The following PTPRN2 variants were observed in gnomAD, a reference collection of about 807,000 sequenced individuals.
PTPRN2 encodes receptor-type tyrosine-protein phosphatase N2.
A neutral mutation model predicts 118.8 loss-of-function variants in PTPRN2; 74 were observed. The ratio of observed to expected loss-of-function variants is 0.62; its 90% CI spans 0.52 to 0.76. The LOEUF is 0.76. PTPRN2 is among the 30% of genes least tolerant of loss of function. The probability of loss-of-function intolerance (pLI) is 0.00; values close to 1 mark genes in which losing one functional copy is unlikely to be tolerated. For missense variants in PTPRN2, 1,481 were observed against 1,394.4 expected (o/e 1.06, Z -0.99); for synonymous variants, 641 against 608.0 (o/e 1.05, Z -0.80).
chr7:157,656,266 G>A lies in PTPRN2; in HGVS notation c.2196+91C>T, dbSNP rs1024846577. 3.0e-6 allele frequency: 4 copies of A among 1,324,654 alleles called. No homozygotes were observed. In the African/African-American group the frequency reaches 4.4e-5, roughly 15 times the overall value. The allele number at this position is 1,324,654 out of a possible 1,614,324, so 82.1% of individuals were successfully genotyped here. A position where few individuals can be genotyped will look rare whatever the true frequency, so the allele number is the denominator to read the frequency against. On this transcript the variant is annotated intron_variant, in intron 14 of 22. Transcript: ENST00000389418. ...GCAGCCATCATCGCCCAGTCCCCGA[G>A]GGTCAGCGGGCGCAGATGCTGGGTG...
chr7:157,666,503 GAA>G (rs113097838), intron 13 of PTPRN2, among the ~76,000 whole-genome samples: 2 of 119,790 alleles, frequency 1.7e-5, no homozygotes, highest in East Asian at 2.1e-4. Flanking sequence ...TAGTGTGTTA[GAA>G]AAAAAAAAAA....
rs576190418 is a variant in PTPRN2 at position 157,806,865 on chromosome 7, C to T, written c.1788+91808G>A. ...GGCCACTGGCATGGGCCCAGCTTCC[C>T]GCTCTCCTCTGCATGCACAGCCTCT... is the stretch of plus-strand genomic sequence containing the variant. On this transcript the variant is annotated intron_variant, in intron 12 of 22. Coordinates refer to ENST00000389418, the MANE Select transcript of PTPRN2 (RefSeq NM_002847.5). 2.4e-4 allele frequency among the ~76,000 whole-genome samples: 36 copies of T among 152,352 alleles called. No homozygotes were observed. In the South Asian group the frequency reaches 5.4e-3, roughly 23 times the overall value.
intron 2 of PTPRN2, among the ~76,000 whole-genome samples, chr7:158,462,952 G>A (rs886257226): frequency 5.0e-5 from 3 of 60,542 alleles, no homozygotes; most frequent in Non-Finnish European, 1.0e-4. Context: ...TATTCAGCAC[G>A]AATAACTGGT....
At chr7:157,758,965 C>T (rs564506211) in intron 12 of PTPRN2, among the ~76,000 whole-genome samples, 18 of 152,356 alleles carry the variant, frequency 1.2e-4, no homozygotes, top group African/African-American at 3.6e-4. Context: ...GGAGTGACAT[C>T]GCTCCTTAAC....
In PTPRN2 at chr7:157,950,848, G is replaced by A. The variant is rs993587212; in HGVS notation, c.1724-52111C>T. Reference sequence around the variant, plus strand: ...AACCAGGAAAGTGAGGTGCAGACGCGGAAGTCAGGTGCAGATGTGTTGGGC... The same window carrying A: ...AACCAGGAAAGTGAGGTGCAGACGCAGAAGTCAGGTGCAGATGTGTTGGGC... On this transcript the variant is annotated intron_variant, in intron 11 of 22. Transcript: ENST00000389418. Among the ~76,000 whole-genome samples the A allele has an allele frequency of 3.3e-5, 5 of 152,290 alleles. No individual in the cohort carries two copies. The East Asian group carries it at 7.7e-4, about 24-fold the overall frequency.
intron 18 of PTPRN2, 134 bp downstream of exon 18, chr7:157,577,887 C>A (rs1257881469): frequency 9.5e-5 from 115 of 1,216,902 alleles, no homozygotes; most frequent in Non-Finnish European, 1.1e-4. Context: ...AGCCTCCATC[C>A]CCTGAACATG....
At chr7:157,563,855 C>T (rs1799347731) in intron 21 of PTPRN2, among the ~76,000 whole-genome samples, 1 of 151,874 alleles carries the variant, frequency 6.6e-6, no homozygotes, top group South Asian at 2.1e-4. Flanking sequence ...ACCACGTGCT[C>T]CTGCATCACC....
intron 3 of PTPRN2, among the ~76,000 whole-genome samples, chr7:158,235,734 A>G (rs1829489078): frequency 6.6e-6 from 1 of 152,206 alleles, no homozygotes; most frequent in Admixed American, 6.5e-5. Flanking sequence ...CCAAAAGAGA[A>G]CAGCTTGACT....
intron 5 of PTPRN2, among the ~76,000 whole-genome samples, chr7:158,181,524 T>C (rs1293067820): frequency 4.6e-5 from 7 of 152,188 alleles, no homozygotes; most frequent in East Asian, 1.9e-4. Context: ...TACCAATTCT[T>C]TGAGTGTCTG....
At chr7:158,189,434 C>T (rs776146556) in intron 5 of PTPRN2, among the ~76,000 whole-genome samples, 7 of 152,208 alleles carry the variant, frequency 4.6e-5, no homozygotes, top group South Asian at 4.1e-4. Flanking sequence ...TTGCAGGTGA[C>T]GACTCGCTCA....
intron 12 of PTPRN2, among the ~76,000 whole-genome samples, chr7:157,875,165 G>C (rs912491809): frequency 5.3e-5 from 8 of 152,222 alleles, no homozygotes; most frequent in African/African-American, 1.9e-4. Flanking sequence ...CTGTGTCGGG[G>C]TCACCTTGAC....
intron 11 of PTPRN2, among the ~76,000 whole-genome samples, chr7:157,958,950 T>C (rs1585089600): frequency 6.6e-6 from 1 of 152,154 alleles, no homozygotes; most frequent in East Asian, 1.9e-4. Context: ...AAAGCAGTCT[T>C]AAAGAAAACT....
intron 2 of PTPRN2, among the ~76,000 whole-genome samples, chr7:158,321,416 G>A (rs1351646476): frequency 6.6e-6 from 1 of 152,162 alleles, no homozygotes; most frequent in East Asian, 1.9e-4. Flanking sequence ...TTCGGACTCT[G>A]TTTCCTGTGC....
chr7:157,888,113 C>T (rs994622316), intron 12 of PTPRN2, among the ~76,000 whole-genome samples: 3 of 151,714 alleles, frequency 2.0e-5, no homozygotes, highest in South Asian at 2.1e-4. Context: ...CTTGGGCTCA[C>T]GGACGGTCTG....
intron 13 of PTPRN2, among the ~76,000 whole-genome samples, chr7:157,681,320 G>A (rs1417132249): frequency 2.0e-5 from 3 of 152,156 alleles, no homozygotes; most frequent in African/African-American, 7.2e-5. Flanking sequence ...CTACATTGAA[G>A]GTCTTGCTCA....
At chr7:158,008,008 G>A (rs549873421) in intron 11 of PTPRN2, among the ~76,000 whole-genome samples, 3 of 148,294 alleles carry the variant, frequency 2.0e-5, no homozygotes, top group South Asian at 4.4e-4. Flanking sequence ...ACTTGTGCAC[G>A]TGTGAGTGTG....
At chr7:158,510,914 G>C (rs558730154) in intron 1 of PTPRN2, among the ~76,000 whole-genome samples, 1 of 152,208 alleles carries the variant, frequency 6.6e-6, no homozygotes, top group Non-Finnish European at 1.5e-5. Context: ...GGCTGTCGTC[G>C]AGGAGGCCCA....
chr7:158,340,967 G>C (rs1376148543), intron 2 of PTPRN2, among the ~76,000 whole-genome samples: 3 of 78,600 alleles, frequency 3.8e-5, no homozygotes, highest in African/African-American at 4.5e-5. Flanking sequence ...GACGCCCGCA[G>C]ATGTCACTCA....
At chr7:157,789,264 C>T (rs1305029275) in intron 12 of PTPRN2, among the ~76,000 whole-genome samples, 1 of 152,194 alleles carries the variant, frequency 6.6e-6, no homozygotes, top group African/African-American at 2.4e-5. Flanking sequence ...CTTGTACTCT[C>T]CGCTCCCTCG....
Sources: allele counts gnomAD v4.1 joint callset (sites outside exome capture counted in the v4.1 genomes callset), GRCh38; gene constraint gnomAD v4.1.1; transcripts MANE v1.5; gene names NCBI Gene and HGNC (gene_info 2026-07-23, HGNC 2026-07-21).